The following HSPA12B variants were observed in gnomAD, a reference collection of about 807,000 sequenced individuals.
The protein encoded by HSPA12B is heat shock protein family A (Hsp70) member 12B, also known as heat shock 70 kDa protein 12B.
In HSPA12B, 54 loss-of-function variants were observed where a neutral mutation model predicts 69.3. The observed-to-expected ratio is 0.78, with a 90% confidence interval of 0.63 to 0.98. The LOEUF (loss-of-function observed/expected upper bound fraction) is 0.98. Ranked by LOEUF, HSPA12B falls within the 50% of genes least tolerant of loss-of-function variation. The pLI is 0.00. For synonymous variants in HSPA12B, 441 were observed against 436.5 expected (o/e 1.01, Z -0.13); for missense variants, 929 against 999.8 (o/e 0.93, Z 0.96).
chr20:3,745,411 C>T lies in HSPA12B; in HGVS notation c.454-82C>T, dbSNP rs2088281565. 4.0e-6 allele frequency: 4 copies of T among 993,872 alleles called. No homozygotes were observed. Among genetic ancestry groups the T allele is most frequent in the South Asian group, 3.9e-5 (3 of 77,278 alleles). The allele number at this position is 993,872 out of a possible 1,614,324, so 61.6% of individuals were successfully genotyped here. On this transcript the variant is annotated intron_variant, in intron 5 of 12. Transcript: ENST00000254963. This position sits in a 1 kb window ranked among gnomAD's most constrained non-coding sequence, Gnocchi z 5.6. ...AAAGAGGAGGGGAAGCTCCAGGAAA[C>T]GGGGTGATTTTAAGAGCGAGGTCGT...
At position 3,745,870 on chromosome 20, in the gene HSPA12B, C is replaced by G. The variant is rs1181823755; in HGVS notation, c.559-45C>G. 1 of 1,529,672 alleles carries G rather than the reference C, an allele frequency of 6.5e-7. No homozygotes were observed. The highest frequency in any genetic ancestry group is 9.1e-7 in the Non-Finnish European group (1 of 1,103,006). The allele number at this position is 1,529,672 out of a possible 1,614,324, so 94.8% of individuals were successfully genotyped here. A position where few individuals can be genotyped will look rare whatever the true frequency, so the allele number is the denominator to read the frequency against. The stretch of plus-strand genomic sequence containing the variant: ...GTTCCGCAGAGGGCTGAAGACCACC[C>G]TCCCTCCAAGCCAGCTTTCCTCTCA... On this transcript the variant is annotated intron_variant, in intron 6 of 12. Transcript: ENST00000254963. This position sits in a 1 kb window ranked among gnomAD's most constrained non-coding sequence, Gnocchi z 5.6.
At chr20:3,742,518 AC>A (rs1568473980) in intron 4 of HSPA12B, 110 bp downstream of exon 4, 3 of 853,136 alleles carry the variant, frequency 3.5e-6, no homozygotes, top group Non-Finnish European at 3.6e-6. Flanking sequence ...AGGCCCTGCC[AC>A]CCCCAGTCTG....
Position 3,744,998 on chromosome 20 carries a change from C to G in HSPA12B, c.363C>G (p.Thr121=). Residue 121 remains threonine (T), a synonymous_variant, in exon 5 of 13, where the codon ACC becomes ACG. Coordinates refer to ENST00000254963, the MANE Select transcript of HSPA12B (RefSeq NM_052970.5). This position sits in a 1 kb window ranked among gnomAD's most constrained non-coding sequence, Gnocchi z 4.9. ...PEGAFHSFGY[T]ARDYYHDLDP... is the part of the protein sequence containing the mutation. ...GCGCCTTCCACAGCTTTGGCTACAC[C>G]GCCCGCGATTACTACCATGACCTGG... The G allele has an allele frequency of 6.2e-7, 1 of 1,614,016 alleles. No homozygotes were observed. The highest frequency in any genetic ancestry group is 8.5e-7 in the Non-Finnish European group (1 of 1,180,024).
chr20:3,739,815 A>G lies in HSPA12B; in HGVS notation c.44-1000A>G, dbSNP rs545666945. ...AGGGAGCACAGGGCCTGCCTGGCTCAGCCTAAGGCGAGCCAGACCTGCCTG... is the reference window on the plus strand; with the variant it reads ...AGGGAGCACAGGGCCTGCCTGGCTCGGCCTAAGGCGAGCCAGACCTGCCTG... On this transcript the variant is annotated intron_variant, in intron 2 of 12. Coordinates refer to ENST00000254963, the MANE Select transcript of HSPA12B (RefSeq NM_052970.5). 7.2e-5 allele frequency among the ~76,000 whole-genome samples: 11 copies of G among 152,258 alleles called. No homozygotes were observed. In the South Asian group the frequency reaches 8.3e-4, roughly 11 times the overall value.
chr20:3,743,762 G>A (rs577228181), intron 4 of HSPA12B, among the ~76,000 whole-genome samples: 46 of 152,068 alleles, frequency 3.0e-4, no homozygotes, highest in Non-Finnish European at 6.3e-4. Context: ...ATTACAAAAA[G>A]TGCAGCAGTA....
intron 3 of HSPA12B, among the ~76,000 whole-genome samples, chr20:3,741,789 C>A (rs925284054): frequency 9.9e-5 from 15 of 152,218 alleles, no homozygotes; most frequent in Non-Finnish European, 1.8e-4. Flanking sequence ...GGAGAAGGCA[C>A]ACACTTCTCT....
chr20:3,750,010 C>A lies in HSPA12B; in HGVS notation c.1084C>A (p.Gln362Lys). The A allele has an allele frequency of 1.3e-6, 2 of 1,588,864 alleles. No individual in the cohort carries two copies. The highest frequency in any genetic ancestry group is 8.6e-7 in the Non-Finnish European group (1 of 1,168,494). The change falls in exon 11 of 13, where the codon CAG becomes AAG. Residue 362 changes from glutamine to lysine, a missense_variant. This residue lies in a region of HSPA12B where 477 missense variants were observed against 535.2 expected (regional missense o/e 0.89). Transcript: ENST00000254963. ...GAVGVDLAFE[Q>K]LLCRIFGEDF... ...GGTGGGCGTGGACCTGGCCTTCGAG[C>A]AGCTGCTGTGCCGCATCTTCGGCGA...
In HSPA12B at chr20:3,749,920, G is replaced by A; in HGVS notation, c.1043-49G>A. On this transcript the variant is annotated intron_variant, in intron 10 of 12. Coordinates refer to ENST00000254963, the MANE Select transcript of HSPA12B (RefSeq NM_052970.5). This position sits in a 1 kb window ranked among gnomAD's most constrained non-coding sequence, Gnocchi z 5.5. ...GGCTCCGGCCCCGCCACTGCCCCCT[G>A]GCGGCCCGGCGAGCGCTGACGCCCT... 1 of 1,548,152 alleles carries A rather than the reference G, an allele frequency of 6.5e-7. No individual in the cohort carries two copies. The highest frequency in any genetic ancestry group is 8.7e-7 in the Non-Finnish European group (1 of 1,145,266).
chr20:3,735,265 C>T lies in HSPA12B; in HGVS notation c.-18+2471C>T, dbSNP rs375489439. Among the ~76,000 whole-genome samples the T allele has an allele frequency of 3.3e-5, 5 of 152,326 alleles. No homozygotes were observed. The East Asian group carries it at 9.6e-4, about 29-fold the overall frequency. On this transcript the variant is annotated intron_variant, in intron 1 of 12. Transcript: ENST00000254963. ...GTCACCCATTCTACAGGAAAGGGCA[C>T]TGAGGCACAGAGATGTGGCATGATG...
intron 7 of HSPA12B, among the ~76,000 whole-genome samples, chr20:3,746,938 A>G (rs916306878): frequency 2.0e-5 from 3 of 152,226 alleles, no homozygotes; most frequent in African/African-American, 7.2e-5. Context: ...TCACAGTGGC[A>G]GGCAGGGCAC....
In HSPA12B at chr20:3,749,935, G is replaced by A. The variant is rs1291951434; in HGVS notation, c.1043-34G>A. The A allele has an allele frequency of 6.5e-7, 1 of 1,547,772 alleles. No homozygotes were observed. Among genetic ancestry groups the A allele is most frequent in the South Asian group, 1.2e-5 (1 of 84,562 alleles). ...ACTGCCCCCTGGCGGCCCGGCGAGCGCTGACGCCCTCTTCGCCCCCTGCTC... is the reference window on the plus strand; with the variant it reads ...ACTGCCCCCTGGCGGCCCGGCGAGCACTGACGCCCTCTTCGCCCCCTGCTC... On this transcript the variant is annotated intron_variant, in intron 10 of 12. Transcript: ENST00000254963. The surrounding 1 kb of genome is among the most constrained non-coding windows in gnomAD (Gnocchi z 5.5).
intron 1 of HSPA12B, among the ~76,000 whole-genome samples, chr20:3,733,266 TG>T (rs759479696): frequency 1.3e-5 from 2 of 152,058 alleles, no homozygotes; most frequent in East Asian, 3.9e-4. Context: ...GGCTGGGACC[TG>T]GTCTTCCGGG....
At position 3,740,165 on chromosome 20, in the gene HSPA12B, G is replaced by C. The variant is rs1242094058; in HGVS notation, c.44-650G>C. Among the ~76,000 whole-genome samples the C allele has an allele frequency of 1.3e-5, 2 of 151,946 alleles. No homozygotes were observed. The highest frequency in any genetic ancestry group is 4.8e-5 in the African/African-American group (2 of 41,276). ...GTGTGTGTATGTGTGTGTGTGGGGG[G>C]TGGGAATCAGACTTCCTAATGTTGT... On this transcript the variant is annotated intron_variant, in intron 2 of 12. Coordinates refer to ENST00000254963, the MANE Select transcript of HSPA12B (RefSeq NM_052970.5). This position sits in a 1 kb window ranked among gnomAD's most constrained non-coding sequence, Gnocchi z 4.9.
Position 3,752,394 on chromosome 20 carries a change from G to A in HSPA12B, c.*228G>A. The A allele has an allele frequency of 2.1e-6, 1 of 467,924 alleles. No homozygotes were observed. Among genetic ancestry groups the A allele is most frequent in the Middle Eastern group, 5.4e-4 (1 of 1,846 alleles). The allele number at this position is 467,924 out of a possible 1,614,324, so 29.0% of individuals were successfully genotyped here. A position where few individuals can be genotyped will look rare whatever the true frequency, so the allele number is the denominator to read the frequency against. Reference sequence around the variant, plus strand: ...GCTGACTGCCAGGCTGAAGGGACCCGCCAAGGACTGAACGGGTAAGAGAAG... The same window carrying A: ...GCTGACTGCCAGGCTGAAGGGACCCACCAAGGACTGAACGGGTAAGAGAAG... On this transcript the variant is annotated 3_prime_UTR_variant, in exon 13 of 13. Transcript: ENST00000254963.
At chr20:3,739,249 T>C (rs1166867743) in intron 2 of HSPA12B, among the ~76,000 whole-genome samples, 1 of 151,402 alleles carries the variant, frequency 6.6e-6, no homozygotes, top group Non-Finnish European at 1.5e-5. Flanking sequence ...TGTCCATGTG[T>C]TTTGTTCAGG....
rs1157874922 is a variant in HSPA12B at position 3,751,780 on chromosome 20, G to A, written c.1675G>A (p.Glu559Lys). 1.4e-5 allele frequency: 21 copies of A among 1,527,038 alleles called. No individual in the cohort carries two copies. Among genetic ancestry groups the A allele is most frequent in the Non-Finnish European group, 1.3e-5 (15 of 1,142,784 alleles). The allele number at this position is 1,527,038 out of a possible 1,614,324, so 94.6% of individuals were successfully genotyped here. A position where few individuals can be genotyped will look rare whatever the true frequency, so the allele number is the denominator to read the frequency against. Reference protein sequence around the residue: ...NRFVPGRHPPEKLLVRDGRRW... With the variant: ...NRFVPGRHPPKKLLVRDGRRW... Reference sequence around the variant, plus strand: ...CTTTGTGCCTGGGCGCCACCCGCCCGAAAAGCTGCTGGTTCGCGACGGCCG... The same window carrying A: ...CTTTGTGCCTGGGCGCCACCCGCCCAAAAAGCTGCTGGTTCGCGACGGCCG... Residue 559 changes from glutamate to lysine, a missense_variant, in exon 13 of 13, where the codon GAA (glutamate) becomes AAA (lysine). Glu to Lys is a moderately conservative substitution (Grantham distance 56). Around this residue, in one of 3 missense-constraint regions of HSPA12B, gnomAD observed 448 missense variants for 448.1 expected, o/e 1.00. Transcript: ENST00000254963.
In HSPA12B at chr20:3,752,176, GGCGCGGTGCCA is replaced by G. The variant is rs577981641; in HGVS notation, c.*15_*25del. 2.8e-5 allele frequency: 41 copies of G among 1,455,840 alleles called. No individual in the cohort carries two copies. The African/African-American group carries it at 5.8e-4, about 20-fold the overall frequency. 90.2% of individuals were successfully genotyped at this position (1,455,840 alleles called of 1,614,324 possible). ...CTTTCTTTCCAACTGAGGGCGCGCC[GGCGCGGTGCCA>G]GCGCCGTCTGCCCGGCCCCGCCCTC... On this transcript the variant is annotated 3_prime_UTR_variant, in exon 13 of 13. Transcript: ENST00000254963.
chr20:3,733,716 C>T (rs2088065948), intron 1 of HSPA12B, among the ~76,000 whole-genome samples: 1 of 152,176 alleles, frequency 6.6e-6, no homozygotes, highest in Non-Finnish European at 1.5e-5. Flanking sequence ...TGCTTTGGGC[C>T]CTGGTTGGCC....
intron 3 of HSPA12B, among the ~76,000 whole-genome samples, chr20:3,741,198 A>T (rs941897838): frequency 4.6e-5 from 7 of 152,004 alleles, no homozygotes. Flanking sequence ...GGCCTGGCTG[A>T]GGCAAGTGTT....
Sources: gnomAD v4.1 joint callset for allele counts (sites outside exome capture counted in the v4.1 genomes callset) on GRCh38, gnomAD v4.1.1 for gene constraint, gnomAD v4.1.1 regional missense constraint, Gnocchi (gnomAD v3.1) non-coding constraint, MANE v1.5 for transcripts, NCBI Gene and HGNC (gene_info 2026-07-23, HGNC 2026-07-21) for gene names.